Variants in FAM13A observed in about 807,000 individuals in gnomAD.
FAM13A encodes the protein protein FAM13A.
In FAM13A, 76 loss-of-function variants were observed where a neutral mutation model predicts 129.6. The ratio of observed to expected loss-of-function variants is 0.59; its 90% CI spans 0.49 to 0.71. The LOEUF is 0.71. Ranked by LOEUF, FAM13A falls within the 30% of genes least tolerant of loss-of-function variation. The pLI is 0.00. For missense variants in FAM13A, 1,108 were observed against 1,249.3 expected, an observed-to-expected ratio of 0.89 and a Z score of 1.70; for synonymous variants, 443 against 449.9, an observed-to-expected ratio of 0.98 and a Z score of 0.20.
chr4:88,824,660 C>T (rs999513740), intron 7 of FAM13A, among the ~76,000 whole-genome samples: 1 of 152,068 alleles, frequency 6.6e-6, no homozygotes, highest in Non-Finnish European at 1.5e-5. Context: ...TATTTCCATA[C>T]CATTTTTATT....
rs1736544140 is a variant in FAM13A, at chr4:88,726,718, TTTTA to T, written c.*1811_*1814del. 1 of 152,650 alleles carries T rather than the reference TTTTA, an allele frequency of 6.6e-6. No individual in the cohort carries two copies. The highest frequency in any genetic ancestry group is 1.5e-5 in the Non-Finnish European group (1 of 68,034). 9.5% of individuals were successfully genotyped at this position (152,650 alleles called of 1,614,324 possible). A position where few individuals can be genotyped will look rare whatever the true frequency, so the allele number is the denominator to read the frequency against. On this transcript the variant is annotated 3_prime_UTR_variant, in exon 24 of 24. Transcript: ENST00000264344. ...ATAGGAAACATCCTAAAGTGCATCATTTTATTTATAATCTCACTCCTTGAAATTA... is the reference window on the plus strand; with the variant it reads ...ATAGGAAACATCCTAAAGTGCATCATTTTATAATCTCACTCCTTGAAATTA...
Position 88,747,860 on chromosome 4 carries a change from G to A in FAM13A, c.2162-9C>T. 8 of 1,556,504 alleles carry A rather than the reference G, an allele frequency of 5.1e-6. No homozygotes were observed. Among genetic ancestry groups the A allele is most frequent in the Non-Finnish European group, 7.1e-6 (8 of 1,128,782 alleles). ...TATCTTTAGTTTTGATTCTAGTTGA[G>A]AAGATTTGGGGGTAAAGATATATGA... On this transcript the variant is annotated splice_polypyrimidine_tract_variant and intron_variant, in intron 17 of 23. Transcript: ENST00000264344.
intron 5 of FAM13A, among the ~76,000 whole-genome samples, chr4:88,921,768 G>C (rs1751133225): frequency 6.6e-6 from 1 of 152,106 alleles, no homozygotes; most frequent in Non-Finnish European, 1.5e-5. Context: ...ATTGGATAAA[G>C]AGTCAAGACC....
At chr4:88,763,699 G>T (rs1745225858) in intron 13 of FAM13A, among the ~76,000 whole-genome samples, 1 of 152,130 alleles carries the variant, frequency 6.6e-6, no homozygotes, top group South Asian at 2.1e-4. Flanking sequence ...ATAGTTAAGT[G>T]GCCTAATAGT....
intron 21 of FAM13A, chr4:88,736,685 G>A (rs545414626): frequency 6.6e-6 from 1 of 152,232 alleles, no homozygotes; most frequent in South Asian, 2.1e-4. Flanking sequence ...GCTGATCCTA[G>A]TACGGGCCAA....
chr4:88,747,926 G>T, intron 17 of FAM13A, 75 bp from the exon 18 acceptor site: 4 of 1,116,748 alleles, frequency 3.6e-6, no homozygotes, highest in East Asian at 2.5e-5. Context: ...GTCTCGCTCT[G>T]TCGCCCAGGT....
intron 7 of FAM13A, among the ~76,000 whole-genome samples, chr4:88,825,202 T>C (rs1561095250): frequency 7.1e-6 from 1 of 141,624 alleles, no homozygotes; most frequent in Non-Finnish European, 1.5e-5. Flanking sequence ...CAGTGCTGAC[T>C]CTATTCTGTG....
intron 10 of FAM13A, among the ~76,000 whole-genome samples, chr4:88,784,858 T>C (rs761478821): frequency 2.0e-5 from 3 of 152,124 alleles, no homozygotes; most frequent in Non-Finnish European, 2.9e-5. Flanking sequence ...TGGCAGATAG[T>C]AGATTTTTTT....
chr4:88,996,125 G>A (rs1252797853), intron 3 of FAM13A, among the ~76,000 whole-genome samples: 5 of 152,214 alleles, frequency 3.3e-5, no homozygotes, highest in Non-Finnish European at 7.3e-5. Context: ...GGTGGTGGGT[G>A]GGGTGAGTAG....
At chr4:88,841,873 C>T (rs1374092571) in intron 7 of FAM13A, among the ~76,000 whole-genome samples, 1 of 152,158 alleles carries the variant, frequency 6.6e-6, no homozygotes, top group East Asian at 1.9e-4. Context: ...ATAGAGTTAA[C>T]ATATGATTCA....
At chr4:88,762,471 C>T (rs1168683650) in intron 13 of FAM13A, among the ~76,000 whole-genome samples, 3 of 152,162 alleles carry the variant, frequency 2.0e-5, no homozygotes, top group Non-Finnish European at 4.4e-5. Flanking sequence ...CTGCTGTGCT[C>T]CCATCAATCC....
At position 88,732,146 on chromosome 4, in the gene FAM13A, A is replaced by C; in HGVS notation, c.2699T>G (p.Val900Gly). 1 of 1,613,552 alleles carries C rather than the reference A, an allele frequency of 6.2e-7. No homozygotes were observed. The highest frequency in any genetic ancestry group is 8.5e-7 in the Non-Finnish European group (1 of 1,179,716). Residue 900 changes from valine (V) to glycine (G), a missense_variant, in exon 22 of 24, where the codon GTC becomes GGC. Transcript: ENST00000264344. ...TGCACTGAAATCGGTTTTCAGAGTGACCATGAAGTCTGGCTTCACATTGCT... is the reference window on the plus strand; with the variant it reads ...TGCACTGAAATCGGTTTTCAGAGTGCCCATGAAGTCTGGCTTCACATTGCT... ...DDSNVKPDFMVTLKTDFSARC... is the reference protein window; with the variant it reads ...DDSNVKPDFMGTLKTDFSARC...
At chr4:88,894,586 A>T (rs1433398791) in intron 6 of FAM13A, among the ~76,000 whole-genome samples, 1 of 152,178 alleles carries the variant, frequency 6.6e-6, no homozygotes, top group African/African-American at 2.4e-5. Flanking sequence ...TGCAGTGGCA[A>T]TCTTGGCTCA....
At chr4:88,743,185 C>G (rs1034525234) in intron 19 of FAM13A, among the ~76,000 whole-genome samples, 2 of 152,036 alleles carry the variant, frequency 1.3e-5, no homozygotes, top group Admixed American at 6.6e-5. Flanking sequence ...TTGGTTGTCC[C>G]GTAAATTTCG....
intron 4 of FAM13A, among the ~76,000 whole-genome samples, chr4:88,943,855 G>C (rs186598258): frequency 6.6e-6 from 1 of 152,222 alleles, no homozygotes; most frequent in East Asian, 1.9e-4. Context: ...TTGAAATATT[G>C]CTGGTTCTTT....
At chr4:88,823,078 C>A in intron 7 of FAM13A, 3 of 1,599,882 alleles carry the variant, frequency 1.9e-6, no homozygotes, top group South Asian at 1.1e-5. Context: ...GTACAGTGAA[C>A]GTCTTCTTAC....
chr4:89,011,543 A>T (rs1446072507), intron 3 of FAM13A, among the ~76,000 whole-genome samples: 1 of 152,144 alleles, frequency 6.6e-6, no homozygotes, highest in Non-Finnish European at 1.5e-5. Context: ...CTATTATGTG[A>T]GATCTTTCTT....
chr4:88,790,504 C>T, intron 9 of FAM13A, 82 bp downstream of exon 9: 1 of 1,151,698 alleles, frequency 8.7e-7, no homozygotes, highest in Non-Finnish European at 1.3e-6. Flanking sequence ...ATTAGAGTTG[C>T]TTTTTTTTTC....
chr4:88,872,117 G>A (rs1263184382), intron 6 of FAM13A, among the ~76,000 whole-genome samples: 1 of 152,138 alleles, frequency 6.6e-6, no homozygotes, highest in Non-Finnish European at 1.5e-5. Context: ...TCACCACCAG[G>A]CCTGCCTTAC....
Sources: gnomAD v4.1 joint callset for allele counts (sites outside exome capture counted in the v4.1 genomes callset) on GRCh38, gnomAD v4.1.1 for gene constraint, MANE v1.5 for transcripts, NCBI Gene and HGNC (gene_info 2026-07-23, HGNC 2026-07-21) for gene names.